Variants in CAST observed in about 807,000 individuals in gnomAD.
CAST encodes MIR583 host.
CAST carries 76 observed loss-of-function variants against 119.6 expected under a neutral mutation model. That is an observed-to-expected ratio of 0.64 (90% CI 0.53 to 0.77). The LOEUF (loss-of-function observed/expected upper bound fraction) is 0.77. CAST is among the 30% of genes least tolerant of loss of function. The probability of loss-of-function intolerance (pLI) is 0.00; values close to 1 mark genes in which losing one functional copy is unlikely to be tolerated. For synonymous variants in CAST, 319 were observed against 331.6 expected, an observed-to-expected ratio of 0.96 and a Z score of 0.41; for missense variants, 953 against 946.5, an observed-to-expected ratio of 1.01 and a Z score of -0.09.
the CAST span, among the ~76,000 whole-genome samples, chr5:96,124,682 G>A: frequency 6.6e-6 from 1 of 152,024 alleles, no homozygotes; most frequent in East Asian, 1.9e-4. Flanking sequence ...TTCTTACATA[G>A]TTATTTACTT....
Position 96,534,730 on chromosome 5 carries a change from A to AAG in CAST, c.60+4850_60+4851insAG, listed in dbSNP as rs1561408800. ...AGGAAGGAAGGAGAGAGAGAGAGAG[A>AAG]GAGAGAGAGAGAAAGAAAGAAAGAA... is the stretch of plus-strand genomic sequence containing the variant. On this transcript the variant is annotated intron_variant, in intron 1 of 11. Coordinates refer to the CAST transcript ENST00000505143. Among the ~76,000 whole-genome samples the AAG allele has an allele frequency of 5.4e-3, 54 of 10,044 alleles. 3 individuals are homozygous for AAG. The highest frequency in any genetic ancestry group is 0.024 in the Middle Eastern group (1 of 42). The allele number at this position is 10,044 out of a possible 152,430, so 6.6% of individuals were successfully genotyped here.
At chr5:96,534,739 G>GAGAGAAAGAGAA (rs1745757908) in intron 1 of CAST, among the ~76,000 whole-genome samples, 1 of 22,676 alleles carries the variant, frequency 4.4e-5, no homozygotes, top group African/African-American at 1.4e-4. Context: ...GAGAGAGAGA[G>GAGAGAAAGAGAA]AGAAAGAAAG....
At chr5:96,486,507 G>T in the CAST span, among the ~76,000 whole-genome samples, 1 of 152,120 alleles carries the variant, frequency 6.6e-6, no homozygotes, top group Non-Finnish European at 1.5e-5. Flanking sequence ...CATGAGCCTA[G>T]ATCAGAGTTT....
the CAST span, among the ~76,000 whole-genome samples, chr5:96,018,233 G>GA: frequency 5.9e-5 from 9 of 152,098 alleles, no homozygotes; most frequent in East Asian, 1.5e-3. Context: ...GACTACCAAG[G>GA]AAAAAATGCA....
intron 3 of CAST, among the ~76,000 whole-genome samples, chr5:96,703,589 C>T (rs1176013422): frequency 1.3e-5 from 2 of 152,242 alleles, no homozygotes; most frequent in Non-Finnish European, 2.9e-5. Context: ...GCATTCTCCA[C>T]TTACACACAG....
chr5:96,729,763 A>C (rs776658243), intron 8 of CAST, 38 bp downstream of exon 8: 1 of 860,400 alleles, frequency 1.2e-6, no homozygotes, highest in South Asian at 1.3e-5. Context: ...CTTAACATCA[A>C]CTGGATAATA....
At chr5:96,137,800 G>A in the CAST span, among the ~76,000 whole-genome samples, 1 of 151,972 alleles carries the variant, frequency 6.6e-6, no homozygotes, top group Admixed American at 6.6e-5. Context: ...TCTTTGGTGA[G>A]GTGTCTGTTC....
chr5:96,441,463 G>T, the CAST span, among the ~76,000 whole-genome samples: 1 of 151,970 alleles, frequency 6.6e-6, no homozygotes, highest in African/African-American at 2.4e-5. Flanking sequence ...TTTATCCACG[G>T]CTCACAGGGT....
chr5:96,142,338 T>C, the CAST span, among the ~76,000 whole-genome samples: 3 of 152,162 alleles, frequency 2.0e-5, no homozygotes, highest in Non-Finnish European at 4.4e-5. Flanking sequence ...TGCTTGAACC[T>C]GGGAGGCAGA....
the CAST span, among the ~76,000 whole-genome samples, chr5:96,221,530 A>T: frequency 6.6e-6 from 1 of 152,258 alleles, no homozygotes; most frequent in East Asian, 1.9e-4. Context: ...AAAATAAAAT[A>T]TCTAGGAATA....
At chr5:96,753,223 T>G (rs1456803650) in intron 20 of CAST, among the ~76,000 whole-genome samples, 4 of 152,172 alleles carry the variant, frequency 2.6e-5, no homozygotes, top group Non-Finnish European at 4.4e-5. Flanking sequence ...CTCAAACTCC[T>G]GAGCTCAAAC....
chr5:96,339,274 T>C, the CAST span, among the ~76,000 whole-genome samples: 1 of 152,222 alleles, frequency 6.6e-6, no homozygotes, highest in Admixed American at 6.5e-5. Context: ...AAGAAACTTA[T>C]TTAATCTTCT....
chr5:96,258,500 C>G, the CAST span, among the ~76,000 whole-genome samples: 1 of 152,142 alleles, frequency 6.6e-6, no homozygotes, highest in African/African-American at 2.4e-5. Flanking sequence ...TAATCAATGG[C>G]ATGTCATAGT....
chr5:96,171,116 C>A, the CAST span, among the ~76,000 whole-genome samples: 1 of 152,036 alleles, frequency 6.6e-6, no homozygotes, highest in African/African-American at 2.4e-5. Flanking sequence ...TAGGGAGGGA[C>A]CAATGTGTAA....
chr5:96,572,293 T>C (rs1293100376), intron 1 of CAST, among the ~76,000 whole-genome samples: 1 of 151,950 alleles, frequency 6.6e-6, no homozygotes, highest in East Asian at 1.9e-4. Context: ...CTCTGCCTCC[T>C]GGGTTCGAGC....
At chr5:96,220,728 T>G in the CAST span, among the ~76,000 whole-genome samples, 1 of 152,224 alleles carries the variant, frequency 6.6e-6, no homozygotes, top group Non-Finnish European at 1.5e-5. Flanking sequence ...CTTGTTTGAT[T>G]CATTTTGTTT....
chr5:96,533,032 A>AT (rs1344575349), intron 1 of CAST, among the ~76,000 whole-genome samples: 62 of 147,918 alleles, frequency 4.2e-4, no homozygotes, highest in African/African-American at 1.3e-3. Context: ...CTCAAAAAAA[A>AT]AAAAATAAAA....
chr5:96,609,680 G>T (rs984885399), intron 1 of CAST, among the ~76,000 whole-genome samples: 4 of 152,174 alleles, frequency 2.6e-5, no homozygotes, highest in African/African-American at 9.7e-5. Flanking sequence ...TTTGAAGTAG[G>T]TGACATTAAG....
chr5:96,704,187 CTG>C (rs1480508412), intron 3 of CAST, among the ~76,000 whole-genome samples: 2 of 152,192 alleles, frequency 1.3e-5, no homozygotes, highest in Admixed American at 6.5e-5. Context: ...GCTTTGTAGA[CTG>C]TGAAACAGTG....
Sources: allele counts gnomAD v4.1 joint callset (sites outside exome capture counted in the v4.1 genomes callset), GRCh38; gene constraint gnomAD v4.1.1; transcripts MANE v1.5; gene names NCBI Gene and HGNC (gene_info 2026-07-23, HGNC 2026-07-21).